RFX3: variants seen among roughly 807,000 people sequenced by gnomAD.
The protein encoded by RFX3 is transcription factor RFX3.
A neutral mutation model predicts 98.6 loss-of-function variants in RFX3; 14 were observed. The observed-to-expected ratio is 0.14, with a 90% CI of 0.09 to 0.22. The LOEUF is 0.22. RFX3 is among the 10% of genes least tolerant of loss of function. The pLI, the probability that RFX3 is intolerant of heterozygous loss-of-function variation, is 1.00. For missense variants in RFX3, 639 were observed against 926.9 expected, an observed-to-expected ratio of 0.69 and a Z score of 4.03; for synonymous variants, 383 against 328.4, an observed-to-expected ratio of 1.17 and a Z score of -1.80.
intron 1 of RFX3, among the ~76,000 whole-genome samples, chr9:3,506,456 C>T (rs1001978569): frequency 6.6e-6 from 1 of 151,716 alleles, no homozygotes; most frequent in African/African-American, 2.4e-5. Context: ...AGGAAAAACC[C>T]AAAGTTTGGG....
chr9:3,434,092 A>C (rs1468102868), intron 1 of RFX3, among the ~76,000 whole-genome samples: 2 of 152,100 alleles, frequency 1.3e-5, no homozygotes, highest in Admixed American at 1.3e-4. Flanking sequence ...GAGATTCTGC[A>C]TTTCTAACAA....
intron 5 of RFX3, among the ~76,000 whole-genome samples, chr9:3,296,760 A>C (rs1468377869): frequency 3.9e-5 from 6 of 152,034 alleles, no homozygotes; most frequent in African/African-American, 1.4e-4. Flanking sequence ...AAGCCCTGAA[A>C]GGATGGAGAT....
chr9:3,289,107 ATAG>A (rs1334853706), intron 6 of RFX3, among the ~76,000 whole-genome samples: 8 of 152,270 alleles, frequency 5.3e-5, no homozygotes, highest in African/African-American at 1.9e-4. Context: ...CAAAGAGAAA[ATAG>A]TAGTTTTTCA....
At chr9:3,288,959 T>G (rs1826986101) in intron 6 of RFX3, among the ~76,000 whole-genome samples, 1 of 152,064 alleles carries the variant, frequency 6.6e-6, no homozygotes, top group South Asian at 2.1e-4. Flanking sequence ...AATGGCAAAT[T>G]TCCACCTGGA....
chr9:3,418,127 T>A, intron 1 of RFX3, among the ~76,000 whole-genome samples: 1 of 152,180 alleles, frequency 6.6e-6, no homozygotes, highest in Non-Finnish European at 1.5e-5. Context: ...AAATTCATAA[T>A]CTAGCTTTAC....
intron 2 of RFX3, among the ~76,000 whole-genome samples, chr9:3,358,807 G>A (rs1836070923): frequency 6.6e-6 from 1 of 152,034 alleles, no homozygotes; most frequent in South Asian, 2.1e-4. Context: ...TGGCAGAAGG[G>A]GAAGCAAACA....
At chr9:3,410,590 T>C (rs1564064048) in intron 1 of RFX3, among the ~76,000 whole-genome samples, 1 of 152,184 alleles carries the variant, frequency 6.6e-6, no homozygotes, top group Non-Finnish European at 1.5e-5. Context: ...GGGTGTGAGA[T>C]GGAAACCTTT....
At chr9:3,501,542 AT>A (rs927299024) in intron 1 of RFX3, among the ~76,000 whole-genome samples, 5 of 135,318 alleles carry the variant, frequency 3.7e-5, no homozygotes, top group Admixed American at 7.5e-5. Flanking sequence ...AAAGATACAT[AT>A]TTTTTTCCTT....
rs1158125651 is a variant in RFX3 at position 3,466,400 on chromosome 9, GA to G, written c.-9+59346del. ...TCAAGCAAATAATAAATTATTAAAA[GA>G]AAAAAATGTGATGCAATAAAAGCAA... On this transcript the variant is annotated intron_variant, in intron 1 of 16. Coordinates refer to ENST00000617270, the MANE Select transcript of RFX3 (RefSeq NM_001282116.2). 5.3e-5 allele frequency among the ~76,000 whole-genome samples: 8 copies of G among 151,908 alleles called. No individual in the cohort carries two copies. The East Asian group carries it at 1.2e-3, about 22-fold the overall frequency.
chr9:3,504,281 CATATAAAAT>C (rs201888886), intron 1 of RFX3, among the ~76,000 whole-genome samples: 12,873 of 124,550 alleles, frequency 0.1, 1,413 homozygotes, highest in East Asian at 0.55. Context: ...TTGTATATAA[CATATAAAAT>C]ATATATTATA....
intron 1 of RFX3, among the ~76,000 whole-genome samples, chr9:3,483,992 T>C (rs529252443): frequency 6.6e-6 from 1 of 152,302 alleles, no homozygotes; most frequent in African/African-American, 2.4e-5. Flanking sequence ...ATTTTGTGAA[T>C]ACCAAATATA....
chr9:3,349,781 A>G (rs940949202), intron 2 of RFX3, among the ~76,000 whole-genome samples: 13 of 152,092 alleles, frequency 8.5e-5, no homozygotes, highest in Non-Finnish European at 1.8e-4. Context: ...TTGCTTCTTA[A>G]ACTTAACAAT....
chr9:3,277,321 G>A lies in RFX3; in HGVS notation c.973+19C>T. ...TCAAAATCCTAGTAGCAACTAATAT[G>A]CATTACACCTTAACATACCTAAAAA... On this transcript the variant is annotated intron_variant, in intron 8 of 16. Transcript: ENST00000617270. The A allele has an allele frequency of 1.2e-6, 2 of 1,611,086 alleles. No homozygotes were observed. The highest frequency in any genetic ancestry group is 2.2e-5 in the South Asian group (2 of 90,960).
At chr9:3,520,425 G>A (rs1021711767) in intron 1 of RFX3, among the ~76,000 whole-genome samples, 35 of 152,132 alleles carry the variant, frequency 2.3e-4, no homozygotes, top group African/African-American at 8.2e-4. Context: ...CACTGTTTCA[G>A]TATGTCTTTT....
At chr9:3,499,934 G>C (rs1366334382) in intron 1 of RFX3, among the ~76,000 whole-genome samples, 1 of 151,854 alleles carries the variant, frequency 6.6e-6, no homozygotes, top group Non-Finnish European at 1.5e-5. Flanking sequence ...TTCTGAGCTG[G>C]GAACCCTTTA....
At chr9:3,254,692 C>A (rs946812115) in intron 14 of RFX3, among the ~76,000 whole-genome samples, 1 of 152,076 alleles carries the variant, frequency 6.6e-6, no homozygotes, top group African/African-American at 2.4e-5. Flanking sequence ...CGTGAGCCAT[C>A]GTGCCTGGCT....
intron 1 of RFX3, among the ~76,000 whole-genome samples, chr9:3,422,432 C>T (rs968607457): frequency 6.6e-6 from 1 of 152,198 alleles, no homozygotes; most frequent in African/African-American, 2.4e-5. Context: ...TGTGGCTATT[C>T]CACCCTGGCA....
At chr9:3,514,837 C>G (rs1293591881) in intron 1 of RFX3, among the ~76,000 whole-genome samples, 1 of 152,128 alleles carries the variant, frequency 6.6e-6, no homozygotes, top group Admixed American at 6.5e-5. Flanking sequence ...ACTGATTTTT[C>G]AAGTTGGGTT....
intron 1 of RFX3, among the ~76,000 whole-genome samples, chr9:3,438,113 T>C (rs2132644679): frequency 6.6e-6 from 1 of 152,232 alleles, no homozygotes; most frequent in African/African-American, 2.4e-5. Flanking sequence ...GGCTCCAGTG[T>C]GTCACCTCCT....
Sources: allele counts gnomAD v4.1 joint callset (sites outside exome capture counted in the v4.1 genomes callset), GRCh38; gene constraint gnomAD v4.1.1; transcripts MANE v1.5; gene names NCBI Gene and HGNC (gene_info 2026-07-23, HGNC 2026-07-21).